ZNF407: variants seen among roughly 807,000 people sequenced by gnomAD.
ZNF407 encodes the protein zinc finger protein 407.
A neutral mutation model predicts 131.2 loss-of-function variants in ZNF407; 17 were observed. That is an observed-to-expected ratio of 0.13 (90% CI 0.09 to 0.19). The LOEUF is 0.19. Among genes scored for constraint, ZNF407 ranks in the 10% least tolerant of loss-of-function variants. ZNF407 has a pLI of 1.00. For missense variants in ZNF407, 2,681 were observed against 2,830.6 expected (o/e 0.95, Z 1.20); for synonymous variants, 1,156 against 1,062.0 (o/e 1.09, Z -1.72).
At chr18:74,842,792 C>G (rs1034693376) in intron 4 of ZNF407, among the ~76,000 whole-genome samples, 1 of 152,026 alleles carries the variant, frequency 6.6e-6, no homozygotes, top group African/African-American at 2.4e-5. Context: ...GTTGGAATCT[C>G]GGCTCATTGC....
At chr18:74,620,602 C>T (rs1983472378) in intron 1 of ZNF407, among the ~76,000 whole-genome samples, 1 of 152,200 alleles carries the variant, frequency 6.6e-6, no homozygotes, top group African/African-American at 2.4e-5. Context: ...ACTCTGACCA[C>T]TTGGGCATGG....
Position 74,899,453 on chromosome 18 carries a change from G to A in ZNF407, c.5249+9415G>A, listed in dbSNP as rs559402122. ...GGTCAGGGCTGCTGGGTGAGTGACCGTGCCAGTCAGGGAGGTCCTCTCTCC... is the reference window on the plus strand; with the variant it reads ...GGTCAGGGCTGCTGGGTGAGTGACCATGCCAGTCAGGGAGGTCCTCTCTCC... On this transcript the variant is annotated intron_variant, in intron 7 of 8. Transcript: ENST00000299687. Among the ~76,000 whole-genome samples, 8 of 152,232 alleles carry A rather than the reference G, an allele frequency of 5.3e-5. No individual in the cohort carries two copies. The East Asian group carries it at 5.8e-4, about 11-fold the overall frequency.
intron 4 of ZNF407, among the ~76,000 whole-genome samples, chr18:74,855,005 A>G (rs1490259368): frequency 6.6e-6 from 1 of 152,168 alleles, no homozygotes; most frequent in East Asian, 1.9e-4. Context: ...TTCAATTTCC[A>G]GTCTTTAGAA....
At chr18:75,033,091 G>A (rs557926982) in intron 8 of ZNF407, among the ~76,000 whole-genome samples, 1 of 125,408 alleles carries the variant, frequency 8.0e-6, no homozygotes, top group African/African-American at 3.2e-5. Flanking sequence ...TGCTCGGAAT[G>A]GGGGGAAGAT....
chr18:74,654,502 C>G (rs1985364273), intron 3 of ZNF407, among the ~76,000 whole-genome samples: 1 of 151,698 alleles, frequency 6.6e-6, no homozygotes. Flanking sequence ...AACTCACTTG[C>G]CAGCTAATTT....
intron 7 of ZNF407, among the ~76,000 whole-genome samples, chr18:74,901,079 T>C (rs1971518475): frequency 1.3e-5 from 2 of 152,186 alleles, no homozygotes; most frequent in Non-Finnish European, 2.9e-5. Flanking sequence ...GTGATTTGTT[T>C]CCATGACTTA....
chr18:74,958,622 A>G (rs1002105166), intron 8 of ZNF407, among the ~76,000 whole-genome samples: 2 of 152,200 alleles, frequency 1.3e-5, no homozygotes, highest in African/African-American at 4.8e-5. Context: ...GACACAAGCT[A>G]TGCAGGCAGA....
At position 75,037,209 on chromosome 18, in the gene ZNF407, T is replaced by C. The variant is rs1401683484; in HGVS notation, c.5429-25941T>C. On this transcript the variant is annotated intron_variant, in intron 8 of 8. Transcript: ENST00000299687. ...TAGCCATTCTGAGCAATAAATATCA[T>C]CATATTGCCTCATTTAGGTAAATAG... is the stretch of plus-strand genomic sequence containing the variant. Among the ~76,000 whole-genome samples the C allele has an allele frequency of 2.6e-5, 4 of 152,328 alleles. No individual in the cohort carries two copies. In the East Asian group the frequency reaches 7.7e-4, roughly 29 times the overall value.
At chr18:74,898,800 CTT>C (rs1316648138) in intron 7 of ZNF407, among the ~76,000 whole-genome samples, 1 of 152,076 alleles carries the variant, frequency 6.6e-6, no homozygotes, top group Non-Finnish European at 1.5e-5. Context: ...TAAAACAAGA[CTT>C]TTTTCCATTG....
chr18:75,064,421 G>A lies in ZNF407; in HGVS notation c.6700G>A (p.Ala2234Thr). ...IYTQEGSSAA[A>T]AIQSQRESSE... ...CACCCAGGAGGGCTCCTCGGCCGCG[G>A]CGGCAATTCAGAGCCAAAGAGAAAG... Residue 2234 changes from alanine (A) to threonine (T), a missense_variant, in exon 9 of 9, where the codon GCG (alanine) becomes ACG (threonine). Ala to Thr is a moderately conservative substitution (Grantham distance 58). Around this residue, in one of 6 missense-constraint regions of ZNF407, gnomAD observed 620 missense variants for 583.1 expected, o/e 1.06. Transcript: ENST00000299687. 6.6e-7 allele frequency: 1 copy of A among 1,522,160 alleles called. No individual in the cohort carries two copies. Among genetic ancestry groups the A allele is most frequent in the Non-Finnish European group, 8.8e-7 (1 of 1,135,820 alleles). The allele number at this position is 1,522,160 out of a possible 1,614,324, so 94.3% of individuals were successfully genotyped here.
intron 4 of ZNF407, among the ~76,000 whole-genome samples, chr18:74,857,986 A>C (rs2145155317): frequency 4.4e-5 from 5 of 112,792 alleles, no homozygotes; most frequent in Admixed American, 1.1e-4. Context: ...TCCTTCCCTG[A>C]CTCCTTCTAC....
At position 75,046,273 on chromosome 18, in the gene ZNF407, G is replaced by T. The variant is rs559275030; in HGVS notation, c.5429-16877G>T. On this transcript the variant is annotated intron_variant, in intron 8 of 8. Coordinates refer to ENST00000299687, the MANE Select transcript of ZNF407 (RefSeq NM_017757.3). Reference sequence around the variant, plus strand: ...TATCATGTTTCCTATAGACTAAGCGGTGATCAGAGCCGGGCTGCCCAGCCC... The same window carrying T: ...TATCATGTTTCCTATAGACTAAGCGTTGATCAGAGCCGGGCTGCCCAGCCC... Among the ~76,000 whole-genome samples the T allele has an allele frequency of 2.6e-5, 4 of 152,262 alleles. No homozygotes were observed. In the South Asian group the frequency reaches 8.3e-4, roughly 32 times the overall value.
intron 4 of ZNF407, among the ~76,000 whole-genome samples, chr18:74,862,584 C>A (rs750236037): frequency 6.6e-6 from 1 of 152,106 alleles, no homozygotes; most frequent in Non-Finnish European, 1.5e-5. Context: ...AGTACTGTAT[C>A]GAAGTTATTT....
intron 4 of ZNF407, among the ~76,000 whole-genome samples, chr18:74,805,788 TATA>T (rs781685768): frequency 3.9e-4 from 59 of 152,172 alleles, no homozygotes; most frequent in Non-Finnish European, 7.5e-4. Context: ...TGGAACTGAT[TATA>T]ATGTTTTGAA....
chr18:75,012,213 T>C (rs1972982281), intron 8 of ZNF407, among the ~76,000 whole-genome samples: 1 of 152,130 alleles, frequency 6.6e-6, no homozygotes, highest in South Asian at 2.1e-4. Context: ...CGACACTTTT[T>C]GAGTTAGCTG....
chr18:74,835,052 G>A (rs1970536354), intron 4 of ZNF407, among the ~76,000 whole-genome samples: 1 of 152,114 alleles, frequency 6.6e-6, no homozygotes, highest in African/African-American at 2.4e-5. Flanking sequence ...GACCACATCA[G>A]CCTCGAAGAG....
intron 1 of ZNF407, among the ~76,000 whole-genome samples, chr18:74,614,542 A>G (rs577929403): frequency 2.6e-4 from 40 of 152,060 alleles, no homozygotes; most frequent in Non-Finnish European, 5.4e-4. Flanking sequence ...TTCAGTGGAT[A>G]TTCGTTTTTT....
intron 1 of ZNF407, among the ~76,000 whole-genome samples, chr18:74,602,111 A>G (rs1208938844): frequency 2.6e-5 from 4 of 152,166 alleles, no homozygotes; most frequent in Admixed American, 1.3e-4. Flanking sequence ...TGGGTAGATC[A>G]TAATTGTACT....
At chr18:74,747,250 T>A (rs1968690604) in intron 3 of ZNF407, among the ~76,000 whole-genome samples, 1 of 152,204 alleles carries the variant, frequency 6.6e-6, no homozygotes. Context: ...TTTACCTGCT[T>A]AAACAGAAAA....
Sources: allele counts gnomAD v4.1 joint callset (sites outside exome capture counted in the v4.1 genomes callset), GRCh38; gene constraint gnomAD v4.1.1; regional missense constraint gnomAD v4.1.1; transcripts MANE v1.5; gene names NCBI Gene and HGNC (gene_info 2026-07-23, HGNC 2026-07-21).